Variants in CCNY observed in about 807,000 individuals in gnomAD.
CCNY encodes cyclin Y, also known as cyclin-Y.
Under a neutral mutation model 42.8 loss-of-function variants are expected in CCNY, and 19 were observed. The observed-to-expected ratio is 0.44, with a 90% CI of 0.31 to 0.65. The LOEUF (loss-of-function observed/expected upper bound fraction) is 0.65. CCNY is among the 30% of genes least tolerant of loss of function. The pLI, the probability that CCNY is intolerant of heterozygous loss-of-function variation, is 0.07. For missense variants in CCNY, 370 were observed against 437.3 expected (o/e 0.85, Z 1.37); for synonymous variants, 165 against 162.7 (o/e 1.01, Z -0.11).
At chr10:35,490,057 T>G (rs990021553) in intron 2 of CCNY, among the ~76,000 whole-genome samples, 1 of 152,194 alleles carries the variant, frequency 6.6e-6, no homozygotes, top group African/African-American at 2.4e-5. Flanking sequence ...TATCGTGATT[T>G]ATTCCAAGTC....
intron 4 of CCNY, among the ~76,000 whole-genome samples, chr10:35,519,012 T>C (rs971232999): frequency 7.3e-4 from 98 of 134,268 alleles, no homozygotes; most frequent in African/African-American, 2.5e-3. Context: ...CTGTGGGTAT[T>C]TGGATTTGTA....
intron 2 of CCNY, among the ~76,000 whole-genome samples, chr10:35,492,490 G>A (rs1273325197): frequency 6.6e-6 from 1 of 152,182 alleles, no homozygotes; most frequent in Non-Finnish European, 1.5e-5. Flanking sequence ...GACACATAGA[G>A]TAATGGTTTA....
At chr10:35,295,921 T>C (rs1466914496) in intron 3 of CCNY, among the ~76,000 whole-genome samples, 1 of 152,224 alleles carries the variant, frequency 6.6e-6, no homozygotes, top group East Asian at 1.9e-4. Flanking sequence ...TGCTCCTGAA[T>C]GACTTTTGGG....
chr10:35,533,839 C>T (rs548423743), intron 7 of CCNY, among the ~76,000 whole-genome samples: 1 of 152,292 alleles, frequency 6.6e-6, no homozygotes, highest in South Asian at 2.1e-4. Context: ...TGGAACACAG[C>T]CCAGCTCATA....
At chr10:35,301,981 G>C (rs1835542391) in intron 3 of CCNY, among the ~76,000 whole-genome samples, 1 of 149,932 alleles carries the variant, frequency 6.7e-6, no homozygotes, top group Admixed American at 6.7e-5. Context: ...TTTATTTTTT[G>C]AGGCGGAGTT....
chr10:35,261,944 C>A (rs867780580), intron 3 of CCNY, among the ~76,000 whole-genome samples: 3 of 151,892 alleles, frequency 2.0e-5, no homozygotes, highest in Admixed American at 1.3e-4. Context: ...TTACTTGAAC[C>A]AGGGAGGTGG....
At chr10:35,555,612 G>A (rs1378233338) in intron 8 of CCNY, among the ~76,000 whole-genome samples, 2 of 152,218 alleles carry the variant, frequency 1.3e-5, no homozygotes, top group Non-Finnish European at 2.9e-5. Context: ...ACGAGGCCCT[G>A]AGAATTAAGT....
intron 3 of CCNY, among the ~76,000 whole-genome samples, chr10:35,290,316 T>C (rs1162520616): frequency 6.7e-6 from 1 of 149,222 alleles, no homozygotes; most frequent in East Asian, 2.0e-4. Flanking sequence ...ACTTGGGAGG[T>C]TGAGGCATGG....
At chr10:35,329,473 T>C (rs1835916581) in intron 3 of CCNY, among the ~76,000 whole-genome samples, 1 of 152,214 alleles carries the variant, frequency 6.6e-6, no homozygotes, top group Admixed American at 6.5e-5. Flanking sequence ...GTCCATTCTT[T>C]GGGGAGAGGT....
At chr10:35,396,044 G>T (rs1837517812) in intron 1 of CCNY, among the ~76,000 whole-genome samples, 1 of 152,100 alleles carries the variant, frequency 6.6e-6, no homozygotes, top group African/African-American at 2.4e-5. Flanking sequence ...TTGCCTCTGT[G>T]AATGGTGGGC....
chr10:35,361,992 AC>A (rs1385416856), intron 1 of CCNY, among the ~76,000 whole-genome samples: 1 of 152,204 alleles, frequency 6.6e-6, no homozygotes, highest in East Asian at 1.9e-4. Flanking sequence ...CACTGTACAC[AC>A]ATTTGTTTCA....
intron 1 of CCNY, among the ~76,000 whole-genome samples, chr10:35,475,058 T>C (rs1839477021): frequency 6.6e-6 from 1 of 151,826 alleles, no homozygotes; most frequent in Non-Finnish European, 1.5e-5. Flanking sequence ...CAATGGAAGA[T>C]GAAATGAAGC....
rs376972061 is a variant in CCNY, at chr10:35,396,399, T to C, written c.154+59192T>C. On this transcript the variant is annotated intron_variant, in intron 1 of 9. Transcript: ENST00000374704. ...CTACAGCTGAGTTGTAAGAGGCAGG[T>C]GCCGCAAGAAGGTGGGGTGGGGGGC... Among the ~76,000 whole-genome samples, 247 of 152,278 alleles carry C rather than the reference T, an allele frequency of 1.6e-3. No homozygotes were observed. In the Middle Eastern group the frequency reaches 0.024, roughly 15 times the overall value.
At chr10:35,293,806 T>G (rs1374679138) in intron 3 of CCNY, among the ~76,000 whole-genome samples, 2 of 150,398 alleles carry the variant, frequency 1.3e-5, no homozygotes, top group Non-Finnish European at 3.0e-5. Flanking sequence ...TTTTTTTTTT[T>G]GAGACACAGA....
intron 1 of CCNY, among the ~76,000 whole-genome samples, chr10:35,451,195 A>G (rs946413289): frequency 1.3e-5 from 2 of 152,236 alleles, no homozygotes; most frequent in Non-Finnish European, 2.9e-5. Flanking sequence ...GTGTGTTTAT[A>G]TAAATTGTGA....
intron 3 of CCNY, among the ~76,000 whole-genome samples, chr10:35,316,613 T>C (rs2135091390): frequency 6.6e-6 from 1 of 152,318 alleles, no homozygotes; most frequent in Middle Eastern, 3.4e-3. Flanking sequence ...ATTTTAACTG[T>C]TTATGTTTAC....
intron 1 of CCNY, among the ~76,000 whole-genome samples, chr10:35,406,915 T>C (rs1223915660): frequency 6.6e-6 from 1 of 152,170 alleles, no homozygotes; most frequent in Non-Finnish European, 1.5e-5. Context: ...GAGGGGCTTT[T>C]TGGAGCTTTT....
intron 1 of CCNY, among the ~76,000 whole-genome samples, chr10:35,379,709 G>A (rs1303469633): frequency 6.6e-6 from 1 of 152,204 alleles, no homozygotes; most frequent in East Asian, 1.9e-4. Context: ...AAGATAATGT[G>A]GTGCAGGAAG....
At chr10:35,565,283 G>A (rs4934759) in intron 8 of CCNY, among the ~76,000 whole-genome samples, 43,976 of 151,968 alleles carry the variant, frequency 0.29, 6,663 homozygotes, top group Admixed American at 0.35. Context: ...GTGTGGGCCC[G>A]GGGCAAGAGC....
Sources: allele counts gnomAD v4.1 joint callset (sites outside exome capture counted in the v4.1 genomes callset), GRCh38; gene constraint gnomAD v4.1.1; transcripts MANE v1.5; gene names NCBI Gene and HGNC (gene_info 2026-07-23, HGNC 2026-07-21).